NRCAM: variants seen among roughly 807,000 people sequenced by gnomAD.
The protein encoded by NRCAM is NgCAM-related cell adhesion molecule.
Under a neutral mutation model 156.5 loss-of-function variants are expected in NRCAM, and 83 were observed. That is an observed-to-expected ratio of 0.53 (90% CI 0.44 to 0.64). The LOEUF (loss-of-function observed/expected upper bound fraction) is 0.64, where lower values mean the gene tolerates loss of function less well. Among genes scored for constraint, NRCAM ranks in the 30% least tolerant of loss-of-function variants. The pLI is 0.00. For synonymous variants in NRCAM, 538 were observed against 563.9 expected, an observed-to-expected ratio of 0.95 and a Z score of 0.65; for missense variants, 1,417 against 1,597.3, an observed-to-expected ratio of 0.89 and a Z score of 1.92.
chr7:108,317,335 A>T (rs190873421), intron 2 of NRCAM, among the ~76,000 whole-genome samples: 2 of 152,338 alleles, frequency 1.3e-5, no homozygotes, highest in East Asian at 3.9e-4. Flanking sequence ...TCTAGGAAGA[A>T]GATTTAATTT....
intron 8 of NRCAM, among the ~76,000 whole-genome samples, chr7:108,230,555 G>A (rs1479908715): frequency 1.3e-5 from 2 of 151,966 alleles, no homozygotes; most frequent in African/African-American, 4.8e-5. Context: ...CCTCCCGCTC[G>A]GCTCCTTCAT....
At chr7:108,370,174 T>TATTACTA (rs1191803180) in intron 2 of NRCAM, among the ~76,000 whole-genome samples, 1 of 152,174 alleles carries the variant, frequency 6.6e-6, no homozygotes, top group Non-Finnish European at 1.5e-5. Flanking sequence ...ATGATGTAAC[T>TATTACTA]GATGCAAATA....
intron 2 of NRCAM, among the ~76,000 whole-genome samples, chr7:108,344,539 C>G (rs979315373): frequency 2.0e-5 from 3 of 152,058 alleles, no homozygotes; most frequent in Non-Finnish European, 4.4e-5. Flanking sequence ...CTGGTTAACA[C>G]GTCTAATATT....
intron 3 of NRCAM, among the ~76,000 whole-genome samples, chr7:108,310,875 A>G (rs2098793419): frequency 6.6e-6 from 1 of 152,190 alleles, no homozygotes; most frequent in Admixed American, 6.5e-5. Context: ...AAAGACCAAC[A>G]AGAAGTGTGT....
intron 3 of NRCAM, among the ~76,000 whole-genome samples, chr7:108,291,175 C>CA (rs1282936821): frequency 1.3e-5 from 2 of 152,118 alleles, no homozygotes; most frequent in East Asian, 3.8e-4. Context: ...AATCCAACAC[C>CA]AAATTAATTT....
chr7:108,359,849 T>G (rs902446855), intron 2 of NRCAM, among the ~76,000 whole-genome samples: 9 of 152,204 alleles, frequency 5.9e-5, no homozygotes, highest in African/African-American at 2.2e-4. Context: ...AATTCCTTCT[T>G]GCCTCATTCA....
At chr7:108,311,459 T>G (rs2098802304) in intron 3 of NRCAM, among the ~76,000 whole-genome samples, 1 of 152,190 alleles carries the variant, frequency 6.6e-6, no homozygotes, top group Admixed American at 6.5e-5. Flanking sequence ...AGCTTTCTCT[T>G]AAAAGAGCCA....
chr7:108,155,087 C>CAT (rs148453642), intron 32 of NRCAM, among the ~76,000 whole-genome samples: 6,076 of 113,436 alleles, frequency 0.054, 323 homozygotes, highest in East Asian at 0.28. Context: ...ATTTAAAAGT[C>CAT]ATATATATAT....
intron 11 of NRCAM, among the ~76,000 whole-genome samples, chr7:108,215,403 G>A (rs926728843): frequency 2.0e-5 from 3 of 151,628 alleles, no homozygotes; most frequent in Non-Finnish European, 4.4e-5. Context: ...TTTTAGTACA[G>A]ATGGGGTTTC....
At chr7:108,440,039 T>G (rs543843676) in intron 1 of NRCAM, among the ~76,000 whole-genome samples, 1 of 152,106 alleles carries the variant, frequency 6.6e-6, no homozygotes, top group Admixed American at 6.5e-5. Flanking sequence ...AATGAAAACA[T>G]AGGGACACAT....
intron 2 of NRCAM, among the ~76,000 whole-genome samples, chr7:108,394,529 T>C (rs1277619414): frequency 6.6e-6 from 1 of 152,258 alleles, no homozygotes; most frequent in East Asian, 1.9e-4. Flanking sequence ...TCTTTGTCTC[T>C]GCCTCTGTCT....
intron 3 of NRCAM, among the ~76,000 whole-genome samples, chr7:108,278,845 C>G (rs924323167): frequency 6.6e-6 from 1 of 151,604 alleles, no homozygotes; most frequent in South Asian, 2.1e-4. Flanking sequence ...TCTTCTGTGT[C>G]GATCTTGCTG....
At chr7:108,398,434 T>C (rs2099783041) in intron 2 of NRCAM, among the ~76,000 whole-genome samples, 1 of 152,214 alleles carries the variant, frequency 6.6e-6, no homozygotes, top group African/African-American at 2.4e-5. Flanking sequence ...TCCTTCAATA[T>C]TGCTCTAGTT....
intron 13 of NRCAM, among the ~76,000 whole-genome samples, chr7:108,204,277 A>G (rs966830953): frequency 6.6e-6 from 1 of 152,212 alleles, no homozygotes. Flanking sequence ...GGGGAGATCA[A>G]CACACAGTGG....
chr7:108,336,883 G>A (rs1341251687), intron 2 of NRCAM, among the ~76,000 whole-genome samples: 1 of 152,114 alleles, frequency 6.6e-6, no homozygotes, highest in East Asian at 1.9e-4. Flanking sequence ...AACTAGATAA[G>A]ATAGAAAATT....
intron 1 of NRCAM, among the ~76,000 whole-genome samples, chr7:108,434,572 A>G (rs2154472008): frequency 6.6e-6 from 1 of 151,704 alleles, no homozygotes; most frequent in Middle Eastern, 3.4e-3. Context: ...ACACACACAC[A>G]CACACACGAC....
chr7:108,272,660 G>C (rs1764837825), intron 3 of NRCAM, among the ~76,000 whole-genome samples: 1 of 151,402 alleles, frequency 6.6e-6, no homozygotes, highest in South Asian at 2.1e-4. Flanking sequence ...TTTTAAAAAG[G>C]TAACATATAT....
intron 2 of NRCAM, among the ~76,000 whole-genome samples, chr7:108,365,660 C>T (rs1415121835): frequency 6.6e-6 from 1 of 152,182 alleles, no homozygotes; most frequent in Non-Finnish European, 1.5e-5. Context: ...AACATACAAA[C>T]AGCATGCCCT....
intron 2 of NRCAM, among the ~76,000 whole-genome samples, chr7:108,395,633 C>T (rs2099774718): frequency 6.6e-6 from 1 of 152,332 alleles, no homozygotes; most frequent in East Asian, 1.9e-4. Flanking sequence ...CCATACAACC[C>T]TCCCCTTGTA....
Sources: allele counts gnomAD v4.1 joint callset (sites outside exome capture counted in the v4.1 genomes callset), GRCh38; gene constraint gnomAD v4.1.1; transcripts MANE v1.5; gene names NCBI Gene and HGNC (gene_info 2026-07-23, HGNC 2026-07-21).